DAB1: variants seen among roughly 807,000 people sequenced by gnomAD.
DAB1 encodes the protein DAB adaptor protein 1, also known as disabled homolog 1.
A neutral mutation model predicts 64.6 loss-of-function variants in DAB1; 15 were observed. The observed-to-expected ratio is 0.23, with a 90% CI of 0.16 to 0.36. The LOEUF is 0.36. DAB1 is among the 10% of genes least tolerant of loss of function. The pLI, the probability that DAB1 is intolerant of heterozygous loss-of-function variation, is 1.00. For synonymous variants in DAB1, 235 were observed against 251.9 expected (o/e 0.93, Z 0.64); for missense variants, 596 against 706.7 (o/e 0.84, Z 1.78).
At chr1:57,467,087 T>A (rs1428382078) in intron 7 of DAB1, among the ~76,000 whole-genome samples, 1 of 152,154 alleles carries the variant, frequency 6.6e-6, no homozygotes. Context: ...AAGGTAAGAA[T>A]CAGTCGTAGA....
intron 4 of DAB1, among the ~76,000 whole-genome samples, chr1:58,256,282 C>T (rs931649099): frequency 3.9e-5 from 6 of 152,174 alleles, no homozygotes; most frequent in South Asian, 4.1e-4. Flanking sequence ...TCAGAAAAGG[C>T]GCCATGGCAG....
chr1:57,813,279 G>C (rs2101887125), intron 6 of DAB1, among the ~76,000 whole-genome samples: 1 of 152,254 alleles, frequency 6.6e-6, no homozygotes. Context: ...CAATTCTTAA[G>C]AACCAATATA....
chr1:57,629,652 G>C (rs1184378185), intron 7 of DAB1, among the ~76,000 whole-genome samples: 9 of 151,704 alleles, frequency 5.9e-5, no homozygotes, highest in Non-Finnish European at 8.8e-5. Context: ...AGAAACTCAT[G>C]TCAAGAGCCT....
At chr1:58,332,006 T>C (rs1662980254) in intron 4 of DAB1, among the ~76,000 whole-genome samples, 1 of 152,226 alleles carries the variant, frequency 6.6e-6, no homozygotes, top group Non-Finnish European at 1.5e-5. Context: ...TACTGTGAAA[T>C]ATAACACTGT....
intron 2 of DAB1, among the ~76,000 whole-genome samples, chr1:57,188,034 A>G (rs187323874): frequency 5.3e-5 from 8 of 152,352 alleles, no homozygotes; most frequent in Admixed American, 3.9e-4. Context: ...CCTGGAACAT[A>G]GGAAAGATGC....
chr1:58,402,930 C>T (rs970228894), intron 3 of DAB1, among the ~76,000 whole-genome samples: 20 of 152,220 alleles, frequency 1.3e-4, no homozygotes, highest in African/African-American at 4.6e-4. Context: ...GGACAAGCTA[C>T]AAGCTGCCTG....
intron 4 of DAB1, among the ~76,000 whole-genome samples, chr1:58,274,596 T>C (rs1569591757): frequency 6.7e-6 from 1 of 150,120 alleles, no homozygotes; most frequent in Non-Finnish European, 1.5e-5. Context: ...CGGGCGCCCC[T>C]CCCCCAGCCT....
At chr1:57,095,434 CTT>C (rs1197713155) in intron 4 of DAB1, among the ~76,000 whole-genome samples, 1 of 152,168 alleles carries the variant, frequency 6.6e-6, no homozygotes, top group Admixed American at 6.5e-5. Context: ...GACTGGGAAA[CTT>C]TGCATAGATA....
At chr1:57,767,455 C>T (rs779869777) in intron 6 of DAB1, among the ~76,000 whole-genome samples, 3 of 152,150 alleles carry the variant, frequency 2.0e-5, no homozygotes, top group African/African-American at 4.8e-5. Context: ...TCCCTTGACC[C>T]GTCTGAATAA....
chr1:57,313,820 G>A (rs924893982), intron 1 of DAB1, among the ~76,000 whole-genome samples: 1 of 152,170 alleles, frequency 6.6e-6, no homozygotes, highest in African/African-American at 2.4e-5. Context: ...GAATTTGGAG[G>A]TGCAGCCTTT....
intron 6 of DAB1, among the ~76,000 whole-genome samples, chr1:57,703,517 T>G (rs1646931677): frequency 6.6e-6 from 1 of 152,000 alleles, no homozygotes; most frequent in Admixed American, 6.6e-5. Context: ...ATGGCTATTA[T>G]TAAAAAATAA....
chr1:57,757,198 A>ATT (rs375166170), intron 6 of DAB1, among the ~76,000 whole-genome samples: 4 of 90,064 alleles, frequency 4.4e-5, no homozygotes, highest in Non-Finnish European at 5.6e-5. Flanking sequence ...CAGGGGCAGA[A>ATT]TTTTTTTTTT....
At chr1:58,428,965 A>T (rs1644845362) in intron 3 of DAB1, among the ~76,000 whole-genome samples, 1 of 152,248 alleles carries the variant, frequency 6.6e-6, no homozygotes, top group African/African-American at 2.4e-5. Context: ...AACTTTCTGG[A>T]GTAACAGAAA....
chr1:57,045,400 A>G (rs796452857), intron 9 of DAB1, among the ~76,000 whole-genome samples: 6 of 152,312 alleles, frequency 3.9e-5, no homozygotes, highest in African/African-American at 1.2e-4. Context: ...TTTAAAATAT[A>G]AGAAAGTAGG....
rs954305513 is a variant in DAB1, at chr1:57,550,835, T to A, written n.625+98757A>T. On this transcript the variant is annotated intron_variant and non_coding_transcript_variant, in intron 7 of 20. Transcript: ENST00000485760. Reference sequence around the variant, plus strand: ...CTTGTCTGAGTCATTTTTATATGCCTCAACAGGCCTAAAATTGCACCTGTA... The same window carrying A: ...CTTGTCTGAGTCATTTTTATATGCCACAACAGGCCTAAAATTGCACCTGTA... Among the ~76,000 whole-genome samples, 19 of 152,188 alleles carry A rather than the reference T, an allele frequency of 1.2e-4. 1 individual carries two copies. The highest frequency in any genetic ancestry group is 8.8e-5 in the Non-Finnish European group (6 of 68,022).
intron 2 of DAB1, among the ~76,000 whole-genome samples, chr1:57,195,604 G>C (rs116083426): frequency 1.9e-3 from 286 of 152,312 alleles, no homozygotes; most frequent in African/African-American, 6.6e-3. Flanking sequence ...AATCAGTCAG[G>C]CTCCTAACCG....
chr1:58,483,459 A>G (rs1457501372), intron 3 of DAB1, among the ~76,000 whole-genome samples: 1 of 152,204 alleles, frequency 6.6e-6, no homozygotes, highest in Non-Finnish European at 1.5e-5. Flanking sequence ...AGCTCTGATT[A>G]GGCTCTGAGT....
intron 2 of DAB1, among the ~76,000 whole-genome samples, chr1:57,172,270 T>C (rs1329031638): frequency 6.6e-6 from 1 of 152,176 alleles, no homozygotes; most frequent in Non-Finnish European, 1.5e-5. Context: ...TACAGGGAGT[T>C]AGGACTTCAA....
intron 5 of DAB1, among the ~76,000 whole-genome samples, chr1:58,046,230 T>C (rs1397911707): frequency 2.0e-5 from 3 of 152,238 alleles, no homozygotes; most frequent in Non-Finnish European, 4.4e-5. Context: ...CTGGGAATTC[T>C]GGATTTTCTT....
Sources: gnomAD v4.1 joint callset for allele counts (sites outside exome capture counted in the v4.1 genomes callset) on GRCh38, gnomAD v4.1.1 for gene constraint, MANE v1.5 for transcripts, NCBI Gene and HGNC (gene_info 2026-07-23, HGNC 2026-07-21) for gene names.